ARHGAP39: variants seen among roughly 807,000 people sequenced by gnomAD.
ARHGAP39 encodes the protein rho GTPase-activating protein 39.
In ARHGAP39, 44 loss-of-function variants were observed where a neutral mutation model predicts 106.9. That is an observed-to-expected ratio of 0.41 (90% CI 0.32 to 0.53). ARHGAP39 has a LOEUF of 0.53. Ranked by LOEUF, ARHGAP39 falls within the 20% of genes least tolerant of loss-of-function variation. ARHGAP39 has a pLI of 0.21. For synonymous variants in ARHGAP39, 768 were observed against 693.2 expected (o/e 1.11, Z -1.69); for missense variants, 1,496 against 1,577.3 (o/e 0.95, Z 0.87).
intron 4 of ARHGAP39, among the ~76,000 whole-genome samples, chr8:144,553,286 G>T (rs1817788152): frequency 6.6e-6 from 1 of 152,186 alleles, no homozygotes; most frequent in South Asian, 2.1e-4. Flanking sequence ...AGGAAGGTAA[G>T]TTCCCGCTTT....
intron 7 of ARHGAP39, 70 bp from the exon 8 acceptor site, chr8:144,534,272 G>A (rs546932661): frequency 6.4e-7 from 1 of 1,563,758 alleles, no homozygotes; most frequent in East Asian, 2.2e-5. Flanking sequence ...GGGGTGAGCA[G>A]ACACAGCTCC....
chr8:144,654,583 T>A (rs1253918259), intron 1 of ARHGAP39, among the ~76,000 whole-genome samples: 1 of 152,212 alleles, frequency 6.6e-6, no homozygotes, highest in Admixed American at 6.5e-5. Context: ...TCACGCTGGC[T>A]GCAGCAGGGA....
chr8:144,676,154 GC>G (rs1822232542), intron 1 of ARHGAP39, among the ~76,000 whole-genome samples: 1 of 152,236 alleles, frequency 6.6e-6, no homozygotes, highest in African/African-American at 2.4e-5. Context: ...CCAGCGTGTT[GC>G]CGCTGCTGGC....
rs548727353 is a variant in ARHGAP39 at position 144,684,904 on chromosome 8, G to A, written c.-82+782C>T. Among the ~76,000 whole-genome samples, 363 of 152,288 alleles carry A rather than the reference G, an allele frequency of 2.4e-3. No individual in the cohort carries two copies. The highest frequency in any genetic ancestry group is 3.3e-3 in the African/African-American group (137 of 41,580). On this transcript the variant is annotated intron_variant, in intron 1 of 11. Transcript: ENST00000377307. This position sits in a 1 kb window ranked among gnomAD's most constrained non-coding sequence, Gnocchi z 4.4. ...CGCCCATGTCCGCTCCCTGCGCCCC[G>A]GGGACAAAGCCCGAGGCTGCACCGC...
At chr8:144,562,484 G>GGTCT (rs372324660) in intron 3 of ARHGAP39, among the ~76,000 whole-genome samples, 2 of 122,246 alleles carry the variant, frequency 1.6e-5, no homozygotes, top group African/African-American at 4.4e-5. Context: ...GGTTTCCATC[G>GGTCT]CACTCCAGTG....
chr8:144,548,564 G>A lies in ARHGAP39; in HGVS notation c.597-75C>T. 6 of 1,517,378 alleles carry A rather than the reference G, an allele frequency of 4.0e-6. No individual in the cohort carries two copies. The highest frequency in any genetic ancestry group is 5.3e-6 in the Non-Finnish European group (6 of 1,135,144). 94.0% of individuals were successfully genotyped at this position (1,517,378 alleles called of 1,614,324 possible). On this transcript the variant is annotated intron_variant, in intron 4 of 11. Transcript: ENST00000377307. The surrounding 1 kb of genome is among the most constrained non-coding windows in gnomAD (Gnocchi z 7.4). ...GGCACGCCCCACCCCCTCGGGGGCTGTAGGCAGCGGCTCCCGCGAACCCTC... is the reference window on the plus strand; with the variant it reads ...GGCACGCCCCACCCCCTCGGGGGCTATAGGCAGCGGCTCCCGCGAACCCTC...
chr8:144,622,355 T>A (rs1820828547), intron 1 of ARHGAP39, among the ~76,000 whole-genome samples: 1 of 151,902 alleles, frequency 6.6e-6, no homozygotes, highest in African/African-American at 2.4e-5. Context: ...CATGGCCATG[T>A]CAGCAGCCCC....
chr8:144,557,002 AG>A (rs1817949957), intron 3 of ARHGAP39, among the ~76,000 whole-genome samples: 1 of 144,594 alleles, frequency 6.9e-6, no homozygotes. Context: ...TCAGAGGCAA[AG>A]GCTGAACCTT....
intron 1 of ARHGAP39, among the ~76,000 whole-genome samples, chr8:144,633,651 A>T (rs753982732): frequency 2.5e-4 from 38 of 152,196 alleles, no homozygotes; most frequent in Non-Finnish European, 4.6e-4. Context: ...GGTCCTTCAT[A>T]ACATGGACCA....
intron 1 of ARHGAP39, among the ~76,000 whole-genome samples, chr8:144,617,902 C>A (rs1820680926): frequency 6.6e-6 from 1 of 152,138 alleles, no homozygotes; most frequent in African/African-American, 2.4e-5. Flanking sequence ...CAGCCTCAGT[C>A]TCCTGAGAAG....
chr8:144,536,310 C>T (rs1444583541), intron 7 of ARHGAP39, among the ~76,000 whole-genome samples: 1 of 152,140 alleles, frequency 6.6e-6, no homozygotes, highest in Admixed American at 6.5e-5. Flanking sequence ...CTTAGAGCTA[C>T]AGGACCAGGT....
In ARHGAP39 at chr8:144,671,369, TAGAA is replaced by T. The variant is rs1435525501; in HGVS notation, c.-82+14313_-82+14316del. Among the ~76,000 whole-genome samples, 1 of 152,254 alleles carries T rather than the reference TAGAA, an allele frequency of 6.6e-6. No homozygotes were observed. The highest frequency in any genetic ancestry group is 1.9e-4 in the East Asian group (1 of 5,202). The stretch of plus-strand genomic sequence containing the variant: ...AGAAATGAACGAATAAAGCTGGAGT[TAGAA>T]AGAAGCTATTGCCAACCCTTTCACT... On this transcript the variant is annotated intron_variant, in intron 1 of 11. Transcript: ENST00000377307. This position sits in a 1 kb window ranked among gnomAD's most constrained non-coding sequence, Gnocchi z 4.5.
chr8:144,533,375 C>G, intron 8 of ARHGAP39, 50 bp from the exon 9 acceptor site: 2 of 1,559,348 alleles, frequency 1.3e-6, no homozygotes, highest in South Asian at 2.2e-5. Context: ...TCCTCAGGAC[C>G]CCCCGCCACC....
intron 7 of ARHGAP39, 77 bp from the exon 8 acceptor site, chr8:144,534,279 CTCCT>C (rs1463393635): frequency 1.4e-5 from 22 of 1,539,966 alleles, no homozygotes; most frequent in Admixed American, 5.1e-5. Context: ...GCAGACACAG[CTCCT>C]TCGAGGGCCC....
intron 6 of ARHGAP39, among the ~76,000 whole-genome samples, chr8:144,543,702 C>G (rs781002428): frequency 6.6e-6 from 1 of 152,238 alleles, no homozygotes; most frequent in South Asian, 2.1e-4. Flanking sequence ...CAAAGGCACA[C>G]GAGCCTAAGT....
chr8:144,694,075 G>A, the ARHGAP39 span, among the ~76,000 whole-genome samples: 2 of 152,232 alleles, frequency 1.3e-5, no homozygotes, highest in Non-Finnish European at 1.5e-5. Context: ...AGAGGAGAAA[G>A]AGCAGACTCC....
chr8:144,567,767 C>T (rs1818452555), intron 3 of ARHGAP39, among the ~76,000 whole-genome samples: 2 of 152,236 alleles, frequency 1.3e-5, no homozygotes, highest in Non-Finnish European at 2.9e-5. Context: ...TCCTCTCTCT[C>T]TGCCTCGGCT....
In ARHGAP39 at chr8:144,548,479, G is replaced by A; in HGVS notation, c.607C>T (p.Leu203=). 6.2e-7 allele frequency: 1 copy of A among 1,609,480 alleles called. No individual in the cohort carries two copies. Among genetic ancestry groups the A allele is most frequent in the Non-Finnish European group, 8.5e-7 (1 of 1,179,396 alleles). Residue 203 remains leucine, a synonymous_variant, in exon 5 of 12, where the codon CTG becomes TTG. Transcript: ENST00000377307. The surrounding 1 kb of genome is among the most constrained non-coding windows in gnomAD (Gnocchi z 7.4). The stretch of plus-strand genomic sequence containing the variant: ...TCTTTGGCGCCCGAGTTCCACCGCA[G>A]CGAGGAGGTCCTGCGTGGGGGGTGG... The part of the protein sequence containing the change: ...GQLLHYRTSS[L]RWNSGAKERM...
chr8:144,547,901 C>T lies in ARHGAP39; in HGVS notation c.1185G>A (p.Val395=). The T allele has an allele frequency of 6.3e-7, 1 of 1,584,034 alleles. No individual in the cohort carries two copies. The highest frequency in any genetic ancestry group is 1.3e-5 in the African/African-American group (1 of 74,360). Residue 395 remains valine (V), a synonymous_variant, in exon 5 of 12, where the codon GTG becomes GTA. Transcript: ENST00000377307. The surrounding 1 kb of genome is among the most constrained non-coding windows in gnomAD (Gnocchi z 5.2). ...CCTGCTCCACGTAGACCAGCTGCCG[C>T]ACGTACTCCTTGCCGGCGGGACTGT... ...LEYSPAGKEY[V]RQLVYVEQAG...
Sources: gnomAD v4.1 joint callset for allele counts (sites outside exome capture counted in the v4.1 genomes callset) on GRCh38, gnomAD v4.1.1 for gene constraint, Gnocchi (gnomAD v3.1) non-coding constraint, MANE v1.5 for transcripts, NCBI Gene and HGNC (gene_info 2026-07-23, HGNC 2026-07-21) for gene names.